Variants in COMMD5 observed in about 807,000 individuals in gnomAD.
COMMD5 encodes the protein COMM domain containing 5.
Under a neutral mutation model 6.9 loss-of-function variants are expected in COMMD5, and 10 were observed. That is an observed-to-expected ratio of 1.44 (90% CI 0.89 to 2.45). COMMD5 has a LOEUF of 2.45. Among genes scored for constraint, COMMD5 ranks in the 30% most tolerant of loss-of-function variants. The pLI is 0.00. For synonymous variants in COMMD5, 127 were observed against 125.3 expected (o/e 1.01, Z -0.09); for missense variants, 234 against 287.8 (o/e 0.81, Z 1.35).
chr8:144,839,302 C>T (rs1281216317), downstream of COMMD5, among the ~76,000 whole-genome samples: 1 of 152,254 alleles, frequency 6.6e-6, no homozygotes, highest in Non-Finnish European at 1.5e-5. Flanking sequence ...GTGGGCCTTG[C>T]AGCCGCCCAG....
At chr8:144,838,121 G>A (rs1386345298), downstream of COMMD5, 1 of 702,964 alleles carries the variant, frequency 1.4e-6, no homozygotes, top group Admixed American at 2.0e-5. Context: ...TGGTTTTCTG[G>A]CAGTCCTTGG....
downstream of COMMD5, chr8:144,841,033 T>G (rs2242650): frequency 3.4e-5 from 9 of 263,258 alleles, no homozygotes; most frequent in Non-Finnish European, 5.7e-5. Context: ...CCCACCCTTC[T>G]GGTCTTGCTT....
downstream of COMMD5, among the ~76,000 whole-genome samples, chr8:144,848,956 C>T (rs565659264): frequency 5.3e-4 from 81 of 152,346 alleles, no homozygotes; most frequent in African/African-American, 1.9e-3. Context: ...CCGCTTGAGA[C>T]AAGCCCAAGG....
chr8:144,842,608 G>A (rs367564747), intron 1 of COMMD5: 13 of 1,614,080 alleles, frequency 8.1e-6, no homozygotes, highest in South Asian at 5.5e-5. Flanking sequence ...TGTGTGTAAT[G>A]ACTGTGGAAA....
chr8:144,846,915 G>C (rs1830542387), downstream of COMMD5: 1 of 152,288 alleles, frequency 6.6e-6, no homozygotes, highest in South Asian at 2.1e-4. Context: ...TAGCCAGCTG[G>C]TCTCGATCTT....
intron 1 of COMMD5, chr8:144,843,880 C>T (rs578155130): frequency 1.3e-5 from 2 of 152,320 alleles, no homozygotes; most frequent in African/African-American, 4.8e-5. Context: ...GGAGGAGGTC[C>T]AGGAGTGCCT....
downstream of COMMD5, among the ~76,000 whole-genome samples, chr8:144,849,803 C>T (rs1188955454): frequency 1.3e-5 from 2 of 149,288 alleles, no homozygotes; most frequent in Non-Finnish European, 2.9e-5. Flanking sequence ...TGCACCCCTC[C>T]ACACAGCAGC....
rs71320849 is a variant in COMMD5, at chr8:144,844,709, C to CAA, written c.*117-2968_*117-2967dup. On this transcript the variant is annotated intron_variant and NMD_transcript_variant, in intron 1 of 1. Transcript: ENST00000530332. ...GGGTGACAAGAGTGTGACTCTGTAT[C>CAA]AAAAAAAAAAAAAAAAAAAAAAAAA... is the stretch of plus-strand genomic sequence containing the variant. 4.1e-4 allele frequency among the ~76,000 whole-genome samples: 36 copies of CAA among 88,640 alleles called. 1 individual carries two copies. Among genetic ancestry groups the CAA allele is most frequent in the African/African-American group, 9.3e-4 (22 of 23,736 alleles). 58.2% of individuals were successfully genotyped at this position (88,640 alleles called of 152,430 possible).
chr8:144,840,516 G>A (rs751747472), downstream of COMMD5, among the ~76,000 whole-genome samples: 12 of 152,316 alleles, frequency 7.9e-5, no homozygotes, highest in Non-Finnish European at 1.0e-4. Flanking sequence ...GATCATAGCC[G>A]TGTGTTGTGG....
chr8:144,852,152 C>G (rs921980827), intron 1 of COMMD5, among the ~76,000 whole-genome samples: 2 of 106,936 alleles, frequency 1.9e-5, no homozygotes, highest in African/African-American at 7.7e-5. Flanking sequence ...AAGGAAGGAA[C>G]GAACGAATGG....
chr8:144,844,054 G>A (rs1451926866), intron 1 of COMMD5, among the ~76,000 whole-genome samples: 3 of 152,186 alleles, frequency 2.0e-5, no homozygotes, highest in Non-Finnish European at 4.4e-5. Context: ...ACCAGTGCCA[G>A]GCACAGAAGC....
downstream of COMMD5, chr8:144,838,175 C>G (rs781038168): frequency 4.3e-6 from 3 of 702,390 alleles, no homozygotes; most frequent in Non-Finnish European, 5.2e-6. Context: ...ATCTCCGACT[C>G]CTTCACACGG....
rs1047372819 is a variant in COMMD5, at chr8:144,850,892, C to T, written c.447G>A (p.Leu149=). The change falls in exon 2 of 2, where the codon CTG becomes CTA. Residue 149 remains leucine, a synonymous_variant. Transcript: ENST00000305103. The surrounding 1 kb of genome is among the most constrained non-coding windows in gnomAD (Gnocchi z 4.0). ...GCCACCGAAAGTCAGCAACATGCGG[C>T]AGCCAGGCCCCCTGCTGCTGGGCCA... ...DSVAQQQGAW[L]PHVADFRWRV... 10 of 1,611,062 alleles carry T rather than the reference C, an allele frequency of 6.2e-6. No homozygotes were observed. The highest frequency in any genetic ancestry group is 8.5e-6 in the Non-Finnish European group (10 of 1,179,000).
At chr8:144,847,804 A>C (rs549875258), downstream of COMMD5, among the ~76,000 whole-genome samples, 9 of 152,260 alleles carry the variant, frequency 5.9e-5, no homozygotes, top group Admixed American at 2.6e-4. Flanking sequence ...AGGCCAAGAA[A>C]ACCAAGGGAG....
At chr8:144,841,862 G>A (rs760428153) in intron 1 of COMMD5, 4 of 1,614,024 alleles carry the variant, frequency 2.5e-6, no homozygotes, top group South Asian at 1.1e-5. Context: ...CCGTACGAAT[G>A]TGCAGAGTGT....
Position 144,850,665 on chromosome 8 carries a change from C to T in COMMD5, c.674G>A (p.Ter225=). The change falls in exon 2 of 2, where the codon TGA becomes TAA. Residue 225 remains the stop codon, a stop_retained_variant. Coordinates refer to ENST00000305103, the MANE Select transcript of COMMD5 (RefSeq NM_014066.4). The surrounding 1 kb of genome is among the most constrained non-coding windows in gnomAD (Gnocchi z 4.0). ...GAATGGGACTGGTCAAGTGAGGGGTCAGTCCTGCAGTCTGCGCTCACACCT... is the reference window on the plus strand; with the variant it reads ...GAATGGGACTGGTCAAGTGAGGGGTTAGTCCTGCAGTCTGCGCTCACACCT... ...EKRCERRLQD[*] 6.2e-7 allele frequency: 1 copy of T among 1,610,498 alleles called. No homozygotes were observed. Among genetic ancestry groups the T allele is most frequent in the Non-Finnish European group, 8.5e-7 (1 of 1,178,080 alleles).
chr8:144,843,896 T>G (rs184158535), intron 1 of COMMD5: 93 of 152,286 alleles, frequency 6.1e-4, no homozygotes, highest in Admixed American at 1.6e-3. Context: ...TGCCTAGAAT[T>G]CCAACTTCAA....
chr8:144,851,540 G>A (rs1318344218), intron 1 of COMMD5, 145 bp from the exon 2 acceptor site: 2 of 632,296 alleles, frequency 3.2e-6, no homozygotes, highest in Non-Finnish European at 5.3e-6. Context: ...CCTGGAAGCA[G>A]GTGGCAGAGG....
intron 1 of COMMD5, chr8:144,842,206 T>C: frequency 6.2e-7 from 1 of 1,613,560 alleles, no homozygotes; most frequent in Non-Finnish European, 8.5e-7. Flanking sequence ...TTGCAAGGAG[T>C]GTGGGAAGGC....
Sources: gnomAD v4.1 joint callset for allele counts (sites outside exome capture counted in the v4.1 genomes callset) on GRCh38, gnomAD v4.1.1 for gene constraint, Gnocchi (gnomAD v3.1) non-coding constraint, MANE v1.5 for transcripts, NCBI Gene and HGNC (gene_info 2026-07-23, HGNC 2026-07-21) for gene names.